MCC: variants seen among roughly 807,000 people sequenced by gnomAD.
MCC encodes colorectal mutant cancer protein.
In MCC, 90 loss-of-function variants were observed where a neutral mutation model predicts 116.2. The observed-to-expected ratio is 0.77, with a 90% CI of 0.65 to 0.92. MCC has a LOEUF of 0.92. Among genes scored for constraint, MCC ranks in the 40% least tolerant of loss-of-function variants. MCC has a pLI of 0.00. For synonymous variants in MCC, 578 were observed against 510.5 expected (o/e 1.13, Z -1.78); for missense variants, 1,516 against 1,312.2 (o/e 1.16, Z -2.40).
At chr5:113,245,544 A>C (rs1302747053) in intron 3 of MCC, among the ~76,000 whole-genome samples, 1 of 152,152 alleles carries the variant, frequency 6.6e-6, no homozygotes, top group African/African-American at 2.4e-5. Context: ...CAAGGACATA[A>C]GGCCAAGAAG....
intron 3 of MCC, among the ~76,000 whole-genome samples, chr5:113,154,835 T>C (rs905209583): frequency 1.3e-5 from 2 of 152,342 alleles, no homozygotes; most frequent in Non-Finnish European, 2.9e-5. Flanking sequence ...TGTGTAATGA[T>C]CAAATCAGGA....
chr5:113,213,307 G>A (rs1763197209), intron 3 of MCC, among the ~76,000 whole-genome samples: 2 of 152,226 alleles, frequency 1.3e-5, no homozygotes, highest in South Asian at 4.1e-4. Context: ...ACCACAAGGG[G>A]TTAAAATATT....
At chr5:113,049,382 G>T (rs1752340999) in intron 15 of MCC, 83 bp from the exon 16 acceptor site, 2 of 1,241,892 alleles carry the variant, frequency 1.6e-6, no homozygotes, top group Non-Finnish European at 2.2e-6. Context: ...TGGGTGGGGG[G>T]TCCCCGGCTA....
chr5:113,113,572 C>T lies in MCC; in HGVS notation c.1027+9112G>A, dbSNP rs74863952. Among the ~76,000 whole-genome samples the T allele has an allele frequency of 1.2e-3, 173 of 146,996 alleles. 1 individual carries two copies. In the East Asian group the frequency reaches 0.015, roughly 13 times the overall value. On this transcript the variant is annotated intron_variant, in intron 6 of 18. Transcript: ENST00000408903. ...TGGTAGTTTAAAAACTCCTCAGTAT[C>T]ACCTATAATGGACAAACTGACATTA...
At chr5:113,303,714 G>A (rs1300823038) in intron 3 of MCC, among the ~76,000 whole-genome samples, 6 of 152,074 alleles carry the variant, frequency 3.9e-5, no homozygotes, top group African/African-American at 1.2e-4. Context: ...AGGCAATGGC[G>A]CAATCTCAGC....
chr5:113,255,688 G>C (rs1158922833), intron 3 of MCC, among the ~76,000 whole-genome samples: 2 of 152,146 alleles, frequency 1.3e-5, no homozygotes, highest in Admixed American at 6.5e-5. Flanking sequence ...AATATGCTGG[G>C]TAGGTTTCCC....
intron 5 of MCC, among the ~76,000 whole-genome samples, chr5:113,140,216 G>A (rs1196546851): frequency 6.6e-6 from 1 of 152,056 alleles, no homozygotes; most frequent in African/African-American, 2.4e-5. Flanking sequence ...GATGAATGAA[G>A]TAGGAATGGG....
At position 113,271,122 on chromosome 5, in the gene MCC, T is replaced by C. The variant is rs935377219; in HGVS notation, c.627+69397A>G. Among the ~76,000 whole-genome samples the C allele has an allele frequency of 2.0e-5, 3 of 152,148 alleles. No individual in the cohort carries two copies. The South Asian group carries it at 6.2e-4, about 32-fold the overall frequency. ...TTCATGTTAAGACAATAGCAGGAAATATACTTATCTAAGAGGCCTTTGTTT... is the reference window on the plus strand; with the variant it reads ...TTCATGTTAAGACAATAGCAGGAAACATACTTATCTAAGAGGCCTTTGTTT... On this transcript the variant is annotated intron_variant, in intron 3 of 18. Coordinates refer to ENST00000408903, the MANE Select transcript of MCC (RefSeq NM_001085377.2).
rs772284614 is a variant in MCC, at chr5:113,064,019, C to A, written c.2178G>T (p.Gln726His). The change falls in exon 14 of 19, where the codon CAG becomes CAT. Residue 726 changes from glutamine (Q) to histidine (H), a missense_variant. Gln to His is a conservative substitution (Grantham distance 24). Transcript: ENST00000408903. ...GAFAVAGCSV[Q>H]PWESLSSNSH... The stretch of plus-strand genomic sequence containing the variant: ...TGTTGGAGGAAAGGCTCTCCCAGGG[C>A]TGCACGCTGCAGCCGGCCACGGCAA... 7 of 1,613,656 alleles carry A rather than the reference C, an allele frequency of 4.3e-6. No individual in the cohort carries two copies. In the Admixed American group the frequency reaches 1.2e-4, roughly 27 times the overall value.
intron 4 of MCC, among the ~76,000 whole-genome samples, chr5:113,145,152 C>T (rs950482520): frequency 6.6e-6 from 1 of 152,200 alleles, no homozygotes; most frequent in Non-Finnish European, 1.5e-5. Flanking sequence ...TCCTCTCAGA[C>T]CTGCAGCACA....
At chr5:113,445,193 AGGGATGTTT>A (rs1341550966) in intron 1 of MCC, among the ~76,000 whole-genome samples, 3 of 152,178 alleles carry the variant, frequency 2.0e-5, no homozygotes, top group Non-Finnish European at 4.4e-5. Context: ...CACCAGATCT[AGGGATGTTT>A]GGGAACATCA....
At chr5:113,214,272 A>T (rs1462459325) in intron 3 of MCC, among the ~76,000 whole-genome samples, 1 of 152,114 alleles carries the variant, frequency 6.6e-6, no homozygotes, top group East Asian at 1.9e-4. Context: ...AGCCCCACTC[A>T]ACCACCAGGC....
intron 3 of MCC, among the ~76,000 whole-genome samples, chr5:113,217,870 A>T (rs1763385507): frequency 6.6e-6 from 1 of 152,152 alleles, no homozygotes; most frequent in Admixed American, 6.5e-5. Context: ...AAAGGACATG[A>T]GCACATGAGT....
rs1413138227 is a variant in MCC, at chr5:113,332,121, T to A, written c.627+8398A>T. Among the ~76,000 whole-genome samples, 4 of 151,752 alleles carry A rather than the reference T, an allele frequency of 2.6e-5. 1 individual carries two copies. Among genetic ancestry groups the A allele is most frequent in the African/African-American group, 9.8e-5 (4 of 40,994 alleles). ...AGATCTCATTTCTTTAGAATTTTTTTAGTTTCTATTTCCAAATACTACCCC... is the reference window on the plus strand; with the variant it reads ...AGATCTCATTTCTTTAGAATTTTTTAAGTTTCTATTTCCAAATACTACCCC... On this transcript the variant is annotated intron_variant, in intron 3 of 18. Coordinates refer to ENST00000408903, the MANE Select transcript of MCC (RefSeq NM_001085377.2).
At chr5:113,168,632 C>G (rs1231483709) in intron 3 of MCC, among the ~76,000 whole-genome samples, 1 of 151,966 alleles carries the variant, frequency 6.6e-6, no homozygotes, top group African/African-American at 2.4e-5. Context: ...GGCACAAAAC[C>G]CTTGTGGTTT....
chr5:113,351,120 C>A (rs1768258275), intron 2 of MCC, among the ~76,000 whole-genome samples: 1 of 151,928 alleles, frequency 6.6e-6, no homozygotes, highest in Non-Finnish European at 1.5e-5. Context: ...TATGGAGAAC[C>A]ATTTGGAGGT....
chr5:113,028,834 T>C, intron 18 of MCC, 100 bp downstream of exon 18: 2 of 1,379,782 alleles, frequency 1.4e-6, no homozygotes, highest in East Asian at 2.4e-5. Flanking sequence ...TCTTAAGAGT[T>C]AGGGAAATGT....
At chr5:113,471,169 T>TC in intron 1 of MCC, among the ~76,000 whole-genome samples, 1 of 152,304 alleles carries the variant, frequency 6.6e-6, no homozygotes, top group Non-Finnish European at 1.5e-5. Context: ...AAGCCTTCTC[T>TC]CAACTCGTCA....
At chr5:113,166,662 C>G (rs1760784495) in intron 3 of MCC, among the ~76,000 whole-genome samples, 1 of 146,846 alleles carries the variant, frequency 6.8e-6, no homozygotes, top group Non-Finnish European at 1.5e-5. Flanking sequence ...TCCCAAGACT[C>G]TGTGAGTCTT....
Sources: gnomAD v4.1 joint callset for allele counts (sites outside exome capture counted in the v4.1 genomes callset) on GRCh38, gnomAD v4.1.1 for gene constraint, MANE v1.5 for transcripts, NCBI Gene and HGNC (gene_info 2026-07-23, HGNC 2026-07-21) for gene names.